Variants in FGD4 observed in about 807,000 individuals in gnomAD.
The protein encoded by FGD4 is FYVE, RhoGEF and PH domain containing 4.
FGD4 carries 42 observed loss-of-function variants against 102.0 expected under a neutral mutation model. The observed-to-expected ratio is 0.41, with a 90% CI of 0.32 to 0.53. The LOEUF is 0.53. Ranked by LOEUF, FGD4 falls within the 20% of genes least tolerant of loss-of-function variation. The pLI is 0.21. For synonymous variants in FGD4, 380 were observed against 375.7 expected (o/e 1.01, Z -0.13); for missense variants, 902 against 1,078.2 (o/e 0.84, Z 2.29).
At chr12:32,489,608 A>C (rs1565772744) in intron 1 of FGD4, among the ~76,000 whole-genome samples, 1 of 152,178 alleles carries the variant, frequency 6.6e-6, no homozygotes, top group East Asian at 1.9e-4. Context: ...TTATGTATAA[A>C]AGGGGTTGAT....
At chr12:32,407,362 G>C (rs1940985808) in intron 1 of FGD4, among the ~76,000 whole-genome samples, 1 of 148,790 alleles carries the variant, frequency 6.7e-6, no homozygotes, top group South Asian at 2.1e-4. Context: ...CTGACCTCAG[G>C]TGATCCACCT....
intron 11 of FGD4, among the ~76,000 whole-genome samples, chr12:32,622,006 G>C (rs1565917533): frequency 6.6e-6 from 1 of 151,972 alleles, no homozygotes; most frequent in Non-Finnish European, 1.5e-5. Context: ...TTGTGCCTCA[G>C]CCTCCCGAGT....
Position 32,402,063 on chromosome 12 carries a change from C to T in FGD4, c.166+2104C>T, listed in dbSNP as rs544852818. Among the ~76,000 whole-genome samples the T allele has an allele frequency of 6.6e-5, 10 of 151,368 alleles. No homozygotes were observed. The South Asian group carries it at 1.0e-3, about 16-fold the overall frequency. On this transcript the variant is annotated intron_variant, in intron 1 of 16. Coordinates refer to ENST00000534526, the MANE Select transcript of FGD4 (RefSeq NM_001370298.3). Reference sequence around the variant, plus strand: ...GACTACAGGCGCCCGCCACCACGCCCGGCTAATTTTTTGTACTTTTAGTAG... The same window carrying T: ...GACTACAGGCGCCCGCCACCACGCCTGGCTAATTTTTTGTACTTTTAGTAG...
intron 1 of FGD4, among the ~76,000 whole-genome samples, chr12:32,485,655 AG>A (rs1326157905): frequency 1.4e-4 from 22 of 151,926 alleles, no homozygotes; most frequent in African/African-American, 4.8e-4. Flanking sequence ...CATGTTAGCC[AG>A]GATGGTCTCG....
chr12:32,534,367 G>A (rs1402085164), intron 1 of FGD4: 3 of 1,464,482 alleles, frequency 2.0e-6, no homozygotes, highest in Non-Finnish European at 2.7e-6. Context: ...GTAATCTTCA[G>A]CCTCCCTGAA....
intron 1 of FGD4, among the ~76,000 whole-genome samples, chr12:32,403,686 A>G (rs1466031930): frequency 1.5e-5 from 2 of 137,408 alleles, no homozygotes; most frequent in African/African-American, 5.6e-5. Flanking sequence ...AACCTCCGCC[A>G]TCTGGGCTGA....
rs542865699 is a variant in FGD4 at position 32,563,261 on chromosome 12, G to A, written c.167-876G>A. Among the ~76,000 whole-genome samples, 384 of 145,320 alleles carry A rather than the reference G, an allele frequency of 2.6e-3. 3 individuals carry two copies. The highest frequency in any genetic ancestry group is 9.2e-3 in the African/African-American group (362 of 39,328). ...TTCTCAGACGGGGCGGTTGCCAGGC[G>A]GAGGGTCTCCTCACTTCTCAGACGG... On this transcript the variant is annotated intron_variant, in intron 1 of 16. Coordinates refer to ENST00000534526, the MANE Select transcript of FGD4 (RefSeq NM_001370298.3).
chr12:32,571,950 C>G (rs973275642), intron 2 of FGD4, among the ~76,000 whole-genome samples: 1 of 152,012 alleles, frequency 6.6e-6, no homozygotes, highest in African/African-American at 2.4e-5. Context: ...CCTGTAATCC[C>G]AGCTACTCTG....
At chr12:32,407,870 C>T (rs1365943647) in intron 1 of FGD4, among the ~76,000 whole-genome samples, 4 of 152,100 alleles carry the variant, frequency 2.6e-5, no homozygotes, top group Admixed American at 6.6e-5. Flanking sequence ...TAAACCCAGT[C>T]CTCAGAGACA....
intron 1 of FGD4, among the ~76,000 whole-genome samples, chr12:32,438,752 C>T (rs1942323046): frequency 6.6e-6 from 1 of 151,902 alleles, no homozygotes; most frequent in Non-Finnish European, 1.5e-5. Context: ...ACTATAGGAG[C>T]CCGCCACCAC....
intron 1 of FGD4, among the ~76,000 whole-genome samples, chr12:32,464,799 A>T (rs1056138406): frequency 3.3e-5 from 5 of 152,250 alleles, no homozygotes; most frequent in African/African-American, 4.8e-5. Flanking sequence ...TGTGACTTAC[A>T]TCCTGTGCTT....
At chr12:32,482,829 G>A (rs1407861971) in intron 1 of FGD4, among the ~76,000 whole-genome samples, 1 of 152,164 alleles carries the variant, frequency 6.6e-6, no homozygotes. Context: ...CTGCACTTTA[G>A]AAATCACGTT....
At chr12:32,496,288 A>G (rs1937814581) in intron 1 of FGD4, among the ~76,000 whole-genome samples, 1 of 152,206 alleles carries the variant, frequency 6.6e-6, no homozygotes, top group South Asian at 2.1e-4. Flanking sequence ...GAATTATCAT[A>G]GTTTTTATTC....
chr12:32,450,313 C>T (rs146097684), intron 1 of FGD4, among the ~76,000 whole-genome samples: 1 of 152,262 alleles, frequency 6.6e-6, no homozygotes, highest in African/African-American at 2.4e-5. Flanking sequence ...TTTAGGAGAT[C>T]CTCCTGCCTT....
At chr12:32,471,352 C>T (rs994524631) in intron 1 of FGD4, among the ~76,000 whole-genome samples, 1 of 152,184 alleles carries the variant, frequency 6.6e-6, no homozygotes, top group African/African-American at 2.4e-5. Flanking sequence ...GTATCTCTCT[C>T]TATCTGATCT....
chr12:32,581,085 G>A (rs1193688092), intron 3 of FGD4, among the ~76,000 whole-genome samples: 1 of 152,202 alleles, frequency 6.6e-6, no homozygotes, highest in Non-Finnish European at 1.5e-5. Flanking sequence ...CTTTGGAGAT[G>A]TGATACCTGA....
chr12:32,592,291 AC>A (rs543836600), intron 4 of FGD4, among the ~76,000 whole-genome samples: 308 of 151,870 alleles, frequency 2.0e-3, no homozygotes, highest in African/African-American at 7.1e-3. Context: ...AAAGTATCTT[AC>A]TTTTGATATC....
intron 1 of FGD4, among the ~76,000 whole-genome samples, chr12:32,486,597 A>G (rs188435356): frequency 6.6e-6 from 1 of 152,268 alleles, no homozygotes; most frequent in African/African-American, 2.4e-5. Flanking sequence ...TGTGCACCTA[A>G]TATTTTCTTG....
intron 1 of FGD4, among the ~76,000 whole-genome samples, chr12:32,546,208 C>G (rs775035163): frequency 6.6e-6 from 1 of 152,142 alleles, no homozygotes; most frequent in Non-Finnish European, 1.5e-5. Context: ...AGATTATGAG[C>G]CTGTTTCTCT....
Sources: allele counts gnomAD v4.1 joint callset (sites outside exome capture counted in the v4.1 genomes callset), GRCh38; gene constraint gnomAD v4.1.1; transcripts MANE v1.5; gene names NCBI Gene and HGNC (gene_info 2026-07-23, HGNC 2026-07-21).